CEP89: variants seen among roughly 807,000 people sequenced by gnomAD.
CEP89 encodes centrosomal protein of 89 kDa.
A neutral mutation model predicts 97.6 loss-of-function variants in CEP89; 95 were observed. The ratio of observed to expected loss-of-function variants is 0.97; its 90% confidence interval spans 0.82 to 1.15. The LOEUF (loss-of-function observed/expected upper bound fraction) is 1.15. CEP89 is among the 50% of genes most tolerant of loss of function. The pLI is 0.00. For synonymous variants in CEP89, 354 were observed against 349.1 expected (o/e 1.01, Z -0.16); for missense variants, 869 against 947.7 (o/e 0.92, Z 1.09).
intron 17 of CEP89, 51 bp downstream of exon 17, chr19:32,887,701 G>T: frequency 9.1e-7 from 1 of 1,095,460 alleles, no homozygotes; most frequent in Non-Finnish European, 1.4e-6. Context: ...ACAGCAGTGA[G>T]CCTGCATTCC....
At chr19:32,893,800 G>T (rs1381261171) in intron 16 of CEP89, among the ~76,000 whole-genome samples, 1 of 152,094 alleles carries the variant, frequency 6.6e-6, no homozygotes, top group African/African-American at 2.4e-5. Context: ...AAATTAAGAA[G>T]GGTATCAAAA....
intron 12 of CEP89, among the ~76,000 whole-genome samples, chr19:32,918,674 A>G (rs1295946195): frequency 2.0e-5 from 3 of 152,194 alleles, no homozygotes; most frequent in Admixed American, 1.3e-4. Context: ...TTTCATCTGT[A>G]TAAACCTCTA....
rs147149729 is a variant in CEP89 at position 32,960,173 on chromosome 19, A to G, written c.147-115T>C. The G allele has an allele frequency of 6.6e-4, 714 of 1,084,742 alleles. 4 individuals carry two copies. In the African/African-American group the frequency reaches 0.01, roughly 15 times the overall value. 67.2% of individuals were successfully genotyped at this position (1,084,742 alleles called of 1,614,324 possible). On this transcript the variant is annotated intron_variant, in intron 2 of 18. Coordinates refer to ENST00000305768, the MANE Select transcript of CEP89 (RefSeq NM_032816.5). ...TTCTGCTGGACAGTGTCGACTGAGCATTTACTCTGCACCCATCATCTACCG... is the reference window on the plus strand; with the variant it reads ...TTCTGCTGGACAGTGTCGACTGAGCGTTTACTCTGCACCCATCATCTACCG...
chr19:32,931,644 T>A, intron 8 of CEP89, 73 bp from the exon 9 acceptor site: 1 of 1,301,336 alleles, frequency 7.7e-7, no homozygotes, highest in Non-Finnish European at 1.0e-6. Flanking sequence ...AAATTGCAAA[T>A]CGTTTGCTTT....
intron 14 of CEP89, among the ~76,000 whole-genome samples, chr19:32,908,637 T>C (rs1429107888): frequency 5.3e-5 from 8 of 152,166 alleles, no homozygotes; most frequent in Admixed American, 2.0e-4. Flanking sequence ...CCTTGGAGCT[T>C]TGGAGGGCAC....
chr19:32,922,500 G>A (rs1970270355), intron 12 of CEP89, among the ~76,000 whole-genome samples: 1 of 151,858 alleles, frequency 6.6e-6, no homozygotes, highest in Non-Finnish European at 1.5e-5. Flanking sequence ...GTATGACTGA[G>A]CCACTGCACT....
chr19:32,898,649 A>G (rs1969695301), intron 16 of CEP89, among the ~76,000 whole-genome samples: 1 of 152,114 alleles, frequency 6.6e-6, no homozygotes, highest in Admixed American at 6.6e-5. Context: ...TGGGAGGCCG[A>G]GGTGGGCAGA....
chr19:32,956,751 T>G (rs1158985183), intron 3 of CEP89, among the ~76,000 whole-genome samples: 1 of 152,240 alleles, frequency 6.6e-6, no homozygotes, highest in Non-Finnish European at 1.5e-5. Flanking sequence ...TTTTCTGTTC[T>G]ATTAATATTA....
At chr19:32,892,980 T>C (rs1568546762) in intron 16 of CEP89, among the ~76,000 whole-genome samples, 2 of 151,936 alleles carry the variant, frequency 1.3e-5, no homozygotes, top group Non-Finnish European at 2.9e-5. Flanking sequence ...GGAAAAATGA[T>C]ACACAAAACA....
At chr19:32,934,697 A>T (rs143043445) in intron 7 of CEP89, among the ~76,000 whole-genome samples, 7 of 152,340 alleles carry the variant, frequency 4.6e-5, no homozygotes, top group African/African-American at 1.4e-4. Context: ...AACAGTTGAG[A>T]TGAGAATGAA....
At chr19:32,951,779 T>C (rs1970924423) in intron 4 of CEP89, among the ~76,000 whole-genome samples, 1 of 152,068 alleles carries the variant, frequency 6.6e-6, no homozygotes, top group Non-Finnish European at 1.5e-5. Context: ...TACACATGGC[T>C]CCTAAAGCCA....
intron 17 of CEP89, among the ~76,000 whole-genome samples, chr19:32,885,374 G>A (rs1349233128): frequency 1.3e-5 from 2 of 152,224 alleles, no homozygotes; most frequent in East Asian, 3.8e-4. Context: ...AGGCTAGAGT[G>A]CAGAGGCACG....
chr19:32,892,260 G>T (rs1969545060), intron 16 of CEP89, among the ~76,000 whole-genome samples: 1 of 123,542 alleles, frequency 8.1e-6, no homozygotes, highest in Non-Finnish European at 1.7e-5. Context: ...TACATATAAG[G>T]AACTCTCATA....
chr19:32,948,150 A>G, intron 5 of CEP89, 116 bp downstream of exon 5: 1 of 565,864 alleles, frequency 1.8e-6, no homozygotes, highest in East Asian at 2.8e-5. Flanking sequence ...ATTCCTAGTT[A>G]AAATCACAGA....
chr19:32,960,155 G>A, intron 2 of CEP89, 97 bp from the exon 3 acceptor site: 2 of 1,314,606 alleles, frequency 1.5e-6, no homozygotes, highest in Admixed American at 2.0e-5. Flanking sequence ...ACCTTCTGCT[G>A]GACAGTGTCG....
At position 32,935,168 on chromosome 19, in the gene CEP89, T is replaced by A. The variant is rs559321158; in HGVS notation, c.668-1499A>T. ...TGGAGAAAGCCAGGAGGAAGAGGGG[T>A]CCCCACGGATCCCGGTGGGCCTCAC... On this transcript the variant is annotated intron_variant, in intron 7 of 18. Coordinates refer to ENST00000305768, the MANE Select transcript of CEP89 (RefSeq NM_032816.5). Among the ~76,000 whole-genome samples the A allele has an allele frequency of 9.9e-5, 15 of 151,162 alleles. No homozygotes were observed. The East Asian group carries it at 2.9e-3, about 30-fold the overall frequency.
At chr19:32,881,579 T>G (rs571332900) in intron 18 of CEP89, among the ~76,000 whole-genome samples, 1 of 151,754 alleles carries the variant, frequency 6.6e-6, no homozygotes, top group Non-Finnish European at 1.5e-5. Context: ...ATCAGTGAGA[T>G]GGAAGGCAGC....
chr19:32,901,432 C>A lies in CEP89; in HGVS notation c.1566-20G>T. 6.2e-7 allele frequency: 1 copy of A among 1,609,232 alleles called. No homozygotes were observed. Among genetic ancestry groups the A allele is most frequent in the Non-Finnish European group, 8.5e-7 (1 of 1,178,392 alleles). The stretch of plus-strand genomic sequence containing the variant: ...AATTGGCTGAAGGACAAAAACATTA[C>A]ATGCTCGTATCCAGCACAATGAAGC... On this transcript the variant is annotated intron_variant, in intron 14 of 18. Coordinates refer to ENST00000305768, the MANE Select transcript of CEP89 (RefSeq NM_032816.5).
chr19:32,934,534 A>G (rs1446564218), intron 7 of CEP89, among the ~76,000 whole-genome samples: 1 of 152,228 alleles, frequency 6.6e-6, no homozygotes, highest in Non-Finnish European at 1.5e-5. Flanking sequence ...GCTTCCACAC[A>G]GACGAGGGCA....
Sources: allele counts gnomAD v4.1 joint callset (sites outside exome capture counted in the v4.1 genomes callset), GRCh38; gene constraint gnomAD v4.1.1; transcripts MANE v1.5; gene names NCBI Gene and HGNC (gene_info 2026-07-23, HGNC 2026-07-21).